The following SLC25A13 variants were observed in gnomAD, a reference collection of about 807,000 sequenced individuals.
SLC25A13 encodes solute carrier family 25 member 13, also known as electrogenic aspartate/glutamate antiporter SLC25A13, mitochondrial.
SLC25A13 carries 70 observed loss-of-function variants against 85.5 expected under a neutral mutation model. That is an observed-to-expected ratio of 0.82 (90% CI 0.68 to 1.00). The LOEUF (loss-of-function observed/expected upper bound fraction) is 1.00, where lower values mean the gene tolerates loss of function less well. SLC25A13 is among the 50% of genes least tolerant of loss of function. The pLI, the probability that SLC25A13 is intolerant of heterozygous loss-of-function variation, is 0.00. For missense variants in SLC25A13, 765 were observed against 819.8 expected (o/e 0.93, Z 0.82); for synonymous variants, 259 against 288.7 (o/e 0.90, Z 1.04).
intron 3 of SLC25A13, among the ~76,000 whole-genome samples, chr7:96,239,973 T>C (rs891671494): frequency 2.0e-5 from 3 of 152,306 alleles, no homozygotes; most frequent in Non-Finnish European, 4.4e-5. Context: ...CTGTATGCTA[T>C]GCTTACACAA....
At chr7:96,248,117 T>A (rs1183878384) in intron 3 of SLC25A13, among the ~76,000 whole-genome samples, 1 of 152,144 alleles carries the variant, frequency 6.6e-6, no homozygotes, top group Non-Finnish European at 1.5e-5. Context: ...GGAATTATGA[T>A]GTTTCTGAGA....
At chr7:96,241,142 C>G (rs368870699) in intron 3 of SLC25A13, among the ~76,000 whole-genome samples, 1 of 151,590 alleles carries the variant, frequency 6.6e-6, no homozygotes, top group African/African-American at 2.4e-5. Flanking sequence ...GCAGCATCTC[C>G]GGAGAACAAT....
intron 2 of SLC25A13, among the ~76,000 whole-genome samples, chr7:96,279,814 A>G (rs1798604323): frequency 6.6e-6 from 1 of 152,176 alleles, no homozygotes; most frequent in African/African-American, 2.4e-5. Flanking sequence ...GATCTAAGGT[A>G]AGAATCCCCC....
In SLC25A13 at chr7:96,301,525, T is replaced by A. The variant is rs75521865; in HGVS notation, c.16-4574A>T. On this transcript the variant is annotated intron_variant, in intron 1 of 17. Coordinates refer to ENST00000265631, the MANE Select transcript of SLC25A13 (RefSeq NM_014251.3). ...TAAGAAGAAAGGGGTCCTTTACAGA[T>A]TACTATGAAATATTATTTGCTAACA... Among the ~76,000 whole-genome samples, 1,112 of 152,230 alleles carry A rather than the reference T, an allele frequency of 7.3e-3. 13 individuals are homozygous for A. Among genetic ancestry groups the A allele is most frequent in the African/African-American group, 0.025 (1,053 of 41,524 alleles).
intron 3 of SLC25A13, among the ~76,000 whole-genome samples, chr7:96,250,500 C>T (rs1797379627): frequency 6.6e-6 from 1 of 152,132 alleles, no homozygotes; most frequent in Non-Finnish European, 1.5e-5. Flanking sequence ...TTGGAATCCA[C>T]CAACACTTTG....
intron 14 of SLC25A13, among the ~76,000 whole-genome samples, chr7:96,132,108 G>A (rs150365571): frequency 3.0e-4 from 46 of 152,208 alleles, no homozygotes; most frequent in African/African-American, 8.9e-4. Context: ...ATGGGAGGAG[G>A]GCAGTTCTCA....
intron 13 of SLC25A13, among the ~76,000 whole-genome samples, chr7:96,148,320 CAGAACA>C (rs1792886877): frequency 6.6e-6 from 1 of 152,178 alleles, no homozygotes; most frequent in Non-Finnish European, 1.5e-5. Context: ...CCCTACTGCT[CAGAACA>C]GCTCTGTTTT....
At chr7:96,141,019 CTTT>C (rs11433644) in intron 14 of SLC25A13, among the ~76,000 whole-genome samples, 3 of 124,698 alleles carry the variant, frequency 2.4e-5, no homozygotes, top group Non-Finnish European at 3.3e-5. Context: ...TTTTTTCTTT[CTTT>C]TTTTTTTTTT....
At chr7:96,213,953 T>C (rs1795792967) in intron 4 of SLC25A13, among the ~76,000 whole-genome samples, 1 of 152,218 alleles carries the variant, frequency 6.6e-6, no homozygotes, top group Admixed American at 6.5e-5. Flanking sequence ...TAATTGTTGT[T>C]ATTTCAGTCT....
intron 2 of SLC25A13, among the ~76,000 whole-genome samples, chr7:96,287,141 T>C (rs1365025765): frequency 6.6e-6 from 1 of 152,230 alleles, no homozygotes; most frequent in African/African-American, 2.4e-5. Context: ...CATTGCTGTG[T>C]TTCCCGTTCT....
intron 13 of SLC25A13, among the ~76,000 whole-genome samples, chr7:96,149,969 T>C (rs181164391): frequency 9.9e-5 from 15 of 152,084 alleles, no homozygotes; most frequent in Admixed American, 9.2e-4. Context: ...ACTGTTTTTT[T>C]TGTGTGTGTG....
chr7:96,221,642 C>T (rs896784539), intron 4 of SLC25A13, among the ~76,000 whole-genome samples: 16 of 152,202 alleles, frequency 1.1e-4, no homozygotes, highest in African/African-American at 3.4e-4. Flanking sequence ...CAATCCAATA[C>T]CAGCATTCCT....
intron 13 of SLC25A13, among the ~76,000 whole-genome samples, chr7:96,161,932 T>C (rs1215937320): frequency 6.6e-6 from 1 of 152,200 alleles, no homozygotes; most frequent in Non-Finnish European, 1.5e-5. Context: ...GATACAAGCA[T>C]TAAAAAAATT....
chr7:96,314,213 G>A (rs1270530191), intron 1 of SLC25A13, among the ~76,000 whole-genome samples: 1 of 151,924 alleles, frequency 6.6e-6, no homozygotes, highest in Non-Finnish European at 1.5e-5. Flanking sequence ...AATATGAGAT[G>A]CTAGAGGCCA....
chr7:96,315,092 A>G (rs1800082684), intron 1 of SLC25A13, among the ~76,000 whole-genome samples: 1 of 152,206 alleles, frequency 6.6e-6, no homozygotes, highest in South Asian at 2.1e-4. Context: ...CCTCTATTCC[A>G]GGATTATCAC....
intron 5 of SLC25A13, among the ~76,000 whole-genome samples, chr7:96,197,488 G>A (rs945961580): frequency 8.5e-5 from 13 of 152,238 alleles, no homozygotes; most frequent in Non-Finnish European, 1.9e-4. Context: ...GGAGGCCAGT[G>A]GGAGCTAACA....
intron 11 of SLC25A13, among the ~76,000 whole-genome samples, chr7:96,183,826 G>A (rs1794512474): frequency 6.6e-6 from 1 of 152,044 alleles, no homozygotes; most frequent in Non-Finnish European, 1.5e-5. Context: ...GAAGAAAAGG[G>A]GCAACTTTAA....
intron 3 of SLC25A13, among the ~76,000 whole-genome samples, chr7:96,250,783 G>C (rs1165084677): frequency 6.7e-6 from 1 of 149,456 alleles, no homozygotes; most frequent in African/African-American, 2.5e-5. Context: ...AGTGGTCCTG[G>C]GAGAAAAATG....
At chr7:96,149,410 T>C (rs185105822) in intron 13 of SLC25A13, among the ~76,000 whole-genome samples, 2 of 152,206 alleles carry the variant, frequency 1.3e-5, no homozygotes, top group Admixed American at 1.3e-4. Flanking sequence ...TTATATACAA[T>C]AAAACAAGAA....
Sources: allele counts gnomAD v4.1 joint callset (sites outside exome capture counted in the v4.1 genomes callset), GRCh38; gene constraint gnomAD v4.1.1; transcripts MANE v1.5; gene names NCBI Gene and HGNC (gene_info 2026-07-23, HGNC 2026-07-21).